The following FAM120A variants were observed in gnomAD, a reference collection of about 807,000 sequenced individuals.
FAM120A encodes constitutive coactivator of PPAR-gamma-like protein 1.
A neutral mutation model predicts 109.7 loss-of-function variants in FAM120A; 15 were observed. That is an observed-to-expected ratio of 0.14 (90% CI 0.09 to 0.21). FAM120A has a LOEUF of 0.21. Among genes scored for constraint, FAM120A ranks in the 10% least tolerant of loss-of-function variants. The pLI is 1.00. For missense variants in FAM120A, 899 were observed against 1,439.3 expected, an observed-to-expected ratio of 0.62 and a Z score of 6.07; for synonymous variants, 493 against 572.8, an observed-to-expected ratio of 0.86 and a Z score of 1.99.
In FAM120A at chr9:93,451,868, G is replaced by A. The variant is rs1476892192; in HGVS notation, c.-48G>A. 35 of 1,077,766 alleles carry A rather than the reference G, an allele frequency of 3.2e-5. No homozygotes were observed. Among genetic ancestry groups the A allele is most frequent in the Non-Finnish European group, 3.8e-5 (34 of 886,822 alleles). The allele number at this position is 1,077,766 out of a possible 1,614,324, so 66.8% of individuals were successfully genotyped here. A position where few individuals can be genotyped will look rare whatever the true frequency, so the allele number is the denominator to read the frequency against. On this transcript the variant is annotated 5_prime_UTR_variant, in exon 1 of 18. Transcript: ENST00000277165. The stretch of plus-strand genomic sequence containing the variant: ...GCGCGCCACGGCCCCACCACCCCCG[G>A]CCCCGCCGCCCCCCGCCCGCACCCG...
Position 93,562,232 on chromosome 9 carries a change from C to T in FAM120A, c.2973C>T (p.Thr991=), listed in dbSNP as rs2131576733. 1 of 1,614,002 alleles carries T rather than the reference C, an allele frequency of 6.2e-7. No individual in the cohort carries two copies. The highest frequency in any genetic ancestry group is 8.5e-7 in the Non-Finnish European group (1 of 1,179,914). Reference sequence around the variant, plus strand: ...GGCGTCCAAGAGGAGTTATTTCCACCCCAGTGATTAGAACATTTGGAAGAG... The same window carrying T: ...GGCGTCCAAGAGGAGTTATTTCCACTCCAGTGATTAGAACATTTGGAAGAG... ...ARGRPRGVIS[T]PVIRTFGRGG... The change falls in exon 17 of 18, where the codon ACC becomes ACT. Residue 991 remains threonine (T), a synonymous_variant. Transcript: ENST00000277165.
chr9:93,486,661 G>A (rs74816254), intron 3 of FAM120A, among the ~76,000 whole-genome samples: 11,643 of 151,608 alleles, frequency 0.077, 575 homozygotes, highest in Non-Finnish European at 0.1. Context: ...AACCTCCTGA[G>A]TAGCTGGAAT....
At chr9:93,472,997 T>C (rs377391841) in intron 2 of FAM120A, among the ~76,000 whole-genome samples, 1 of 151,956 alleles carries the variant, frequency 6.6e-6, no homozygotes. Flanking sequence ...TTTTCAAGTT[T>C]TCATCGTTAA....
intron 2 of FAM120A, 132 bp downstream of exon 2, chr9:93,471,519 T>C: frequency 9.4e-7 from 1 of 1,059,480 alleles, no homozygotes; most frequent in Non-Finnish European, 1.4e-6. Context: ...GCGTGGGCTC[T>C]TCCTTAGCAT....
At chr9:93,545,984 C>T (rs1051660525) in intron 11 of FAM120A, among the ~76,000 whole-genome samples, 1 of 151,558 alleles carries the variant, frequency 6.6e-6, no homozygotes, top group Admixed American at 6.6e-5. Context: ...TGGAGTTTTA[C>T]CATGTTGGTC....
chr9:93,497,699 G>A, intron 4 of FAM120A, 100 bp downstream of exon 4: 2 of 1,397,020 alleles, frequency 1.4e-6, no homozygotes, highest in Admixed American at 2.6e-5. Flanking sequence ...GAGGGTGCAA[G>A]CTGACTGGAT....
chr9:93,534,199 A>G (rs775032004), intron 10 of FAM120A, among the ~76,000 whole-genome samples: 9 of 152,122 alleles, frequency 5.9e-5, no homozygotes, highest in Admixed American at 3.9e-4. Context: ...TGTCCTGTTA[A>G]TGCACAGTAG....
intron 1 of FAM120A, among the ~76,000 whole-genome samples, chr9:93,459,112 C>G (rs1385332788): frequency 6.6e-6 from 1 of 152,180 alleles, no homozygotes; most frequent in African/African-American, 2.4e-5. Flanking sequence ...AAATGCCAGC[C>G]TTCTTCATGG....
intron 1 of FAM120A, among the ~76,000 whole-genome samples, chr9:93,458,816 G>A (rs769124465): frequency 1.3e-5 from 2 of 152,096 alleles, no homozygotes; most frequent in Non-Finnish European, 1.5e-5. Context: ...CAGGGTAGAC[G>A]GCCACATCTT....
chr9:93,476,206 C>T (rs779415388), intron 2 of FAM120A, 50 bp from the exon 3 acceptor site: 73 of 1,292,108 alleles, frequency 5.6e-5, no homozygotes, highest in Middle Eastern at 1.8e-4. Flanking sequence ...GAAAGTTTCC[C>T]TATGTTACTT....
chr9:93,540,803 C>T (rs991974531), intron 10 of FAM120A, among the ~76,000 whole-genome samples: 2 of 152,108 alleles, frequency 1.3e-5, no homozygotes, highest in African/African-American at 4.8e-5. Flanking sequence ...ACGAACTCTG[C>T]AGAGGCCTAA....
At chr9:93,489,121 A>G (rs1321851969) in intron 3 of FAM120A, among the ~76,000 whole-genome samples, 1 of 152,218 alleles carries the variant, frequency 6.6e-6, no homozygotes, top group Non-Finnish European at 1.5e-5. Flanking sequence ...TTCATTAAAT[A>G]AGCACATTTC....
intron 3 of FAM120A, among the ~76,000 whole-genome samples, chr9:93,488,496 C>G (rs947992391): frequency 1.4e-4 from 22 of 152,092 alleles, no homozygotes; most frequent in Non-Finnish European, 8.8e-5. Flanking sequence ...GATTCTCACA[C>G]TCTCCTGGCA....
Position 93,452,835 on chromosome 9 carries a change from G to A in FAM120A, c.474+446G>A. ...AGCAGGCAGGATACAGAGTAATAGA[G>A]GGGGTTTCGCCAGAGCCCTTGGGGG... On this transcript the variant is annotated intron_variant, in intron 1 of 17. Coordinates refer to ENST00000277165, the MANE Select transcript of FAM120A (RefSeq NM_014612.5). This position sits in a 1 kb window ranked among gnomAD's most constrained non-coding sequence, Gnocchi z 7.0. The A allele has an allele frequency of 1.3e-6, 2 of 1,534,196 alleles. No homozygotes were observed. The highest frequency in any genetic ancestry group is 1.7e-6 in the Non-Finnish European group (2 of 1,149,580).
At chr9:93,497,381 C>T in intron 3 of FAM120A, 90 bp from the exon 4 acceptor site, 1 of 1,509,514 alleles carries the variant, frequency 6.6e-7, no homozygotes, top group Non-Finnish European at 9.1e-7. Flanking sequence ...TAGATGGTAG[C>T]TCCTTGTTGA....
intron 10 of FAM120A, among the ~76,000 whole-genome samples, chr9:93,539,927 C>T (rs755394031): frequency 5.9e-5 from 9 of 152,154 alleles, no homozygotes; most frequent in African/African-American, 1.2e-4. Context: ...TGTTTCAACC[C>T]GAAAATTGGA....
intron 7 of FAM120A, among the ~76,000 whole-genome samples, chr9:93,524,687 G>A (rs1860992967): frequency 6.6e-6 from 1 of 152,194 alleles, no homozygotes. Context: ...TGAAATAAGG[G>A]TCTGGGTTTG....
chr9:93,505,584 T>G (rs775633319), intron 5 of FAM120A, among the ~76,000 whole-genome samples: 3 of 152,200 alleles, frequency 2.0e-5, no homozygotes, highest in Non-Finnish European at 2.9e-5. Flanking sequence ...TATCCTGTAT[T>G]TATGGATGAA....
chr9:93,480,709 A>T (rs1471940767), intron 3 of FAM120A, among the ~76,000 whole-genome samples: 4 of 152,042 alleles, frequency 2.6e-5, no homozygotes, highest in Non-Finnish European at 5.9e-5. Flanking sequence ...TTCCAATGGC[A>T]ATATTTCTTA....
Sources: gnomAD v4.1 joint callset for allele counts (sites outside exome capture counted in the v4.1 genomes callset) on GRCh38, gnomAD v4.1.1 for gene constraint, Gnocchi (gnomAD v3.1) non-coding constraint, MANE v1.5 for transcripts, NCBI Gene and HGNC (gene_info 2026-07-23, HGNC 2026-07-21) for gene names.